PAPSS2: variants seen among roughly 807,000 people sequenced by gnomAD.
PAPSS2 encodes 3'-phosphoadenosine 5'-phosphosulfate synthase 2.
Under a neutral mutation model 66.5 loss-of-function variants are expected in PAPSS2, and 61 were observed. The observed-to-expected ratio is 0.92, with a 90% confidence interval of 0.75 to 1.14. The LOEUF is 1.14. Ranked by LOEUF, PAPSS2 falls within the 50% of genes most tolerant of loss-of-function variation. PAPSS2 has a pLI of 0.00. For synonymous variants in PAPSS2, 289 were observed against 287.5 expected, an observed-to-expected ratio of 1.01 and a Z score of -0.05; for missense variants, 708 against 789.6, an observed-to-expected ratio of 0.90 and a Z score of 1.24.
chr10:87,699,683 C>G (rs1853277891), intron 1 of PAPSS2, among the ~76,000 whole-genome samples: 2 of 151,848 alleles, frequency 1.3e-5, no homozygotes, highest in South Asian at 4.2e-4. Context: ...AACCCCACCT[C>G]TACTAAAAAT....
chr10:87,701,231 TTC>T lies in PAPSS2; in HGVS notation c.28-7963_28-7962del, dbSNP rs1175388622. Among the ~76,000 whole-genome samples, 11 of 105,818 alleles carry T rather than the reference TTC, an allele frequency of 1.0e-4. 1 individual carries two copies. The East Asian group carries it at 2.0e-3, about 19-fold the overall frequency. The allele number at this position is 105,818 out of a possible 152,430, so 69.4% of individuals were successfully genotyped here. A position where few individuals can be genotyped will look rare whatever the true frequency, so the allele number is the denominator to read the frequency against. On this transcript the variant is annotated intron_variant, in intron 1 of 12. Transcript: ENST00000456849. ...ATATGTTTTTATTTATATAATAATT[TTC>T]TTTCTTTTTTCTTTTTTCTTTCTTT...
chr10:87,668,867 C>T (rs866799802), intron 1 of PAPSS2, among the ~76,000 whole-genome samples: 10 of 152,136 alleles, frequency 6.6e-5, no homozygotes, highest in African/African-American at 1.4e-4. Flanking sequence ...CCCTACCACA[C>T]GCTTACCACT....
At chr10:87,696,499 A>C (rs564766889) in intron 1 of PAPSS2, among the ~76,000 whole-genome samples, 8 of 152,130 alleles carry the variant, frequency 5.3e-5, no homozygotes, top group African/African-American at 1.9e-4. Flanking sequence ...ACAGAATCTC[A>C]CTTGTGATAT....
At chr10:87,731,069 A>G (rs933908173) in intron 9 of PAPSS2, among the ~76,000 whole-genome samples, 3 of 152,244 alleles carry the variant, frequency 2.0e-5, no homozygotes, top group Non-Finnish European at 1.5e-5. Flanking sequence ...TCAGAGCTAA[A>G]GAAGAGAAGT....
At chr10:87,660,828 A>AC (rs1564705104) in intron 1 of PAPSS2, among the ~76,000 whole-genome samples, 2 of 115,824 alleles carry the variant, frequency 1.7e-5, no homozygotes, top group East Asian at 4.7e-4. Context: ...AAAAAAAAAA[A>AC]AAAAAACCGG....
intron 1 of PAPSS2, among the ~76,000 whole-genome samples, chr10:87,672,890 A>G (rs536707373): frequency 6.6e-6 from 1 of 152,254 alleles, no homozygotes; most frequent in Non-Finnish European, 1.5e-5. Flanking sequence ...TGTTATGACA[A>G]GTATATGAAA....
At chr10:87,664,361 C>T (rs902680766) in intron 1 of PAPSS2, among the ~76,000 whole-genome samples, 2 of 152,198 alleles carry the variant, frequency 1.3e-5, no homozygotes, top group Non-Finnish European at 2.9e-5. Flanking sequence ...TTGCCAACAA[C>T]TTTGGCCAAG....
intron 1 of PAPSS2, among the ~76,000 whole-genome samples, chr10:87,667,538 A>C (rs192664089): frequency 6.6e-6 from 1 of 152,194 alleles, no homozygotes; most frequent in Admixed American, 6.5e-5. Context: ...CTGTATTAAA[A>C]CTTGAAATAT....
chr10:87,681,727 G>A (rs1409361222), intron 1 of PAPSS2, among the ~76,000 whole-genome samples: 1 of 152,178 alleles, frequency 6.6e-6, no homozygotes. Context: ...GTTCCGAGAA[G>A]CTACCAGTCT....
chr10:87,734,659 G>GTGTGTGTA (rs1853770515), intron 9 of PAPSS2, among the ~76,000 whole-genome samples: 1 of 100,514 alleles, frequency 9.9e-6, no homozygotes, highest in African/African-American at 4.5e-5. Context: ...AAATGAATGT[G>GTGTGTGTA]TGTGTATATA....
At chr10:87,737,039 C>T (rs1414524206) in intron 9 of PAPSS2, among the ~76,000 whole-genome samples, 2 of 152,196 alleles carry the variant, frequency 1.3e-5, no homozygotes, top group Non-Finnish European at 2.9e-5. Context: ...GAAGCTCTCC[C>T]AGGCCTAGCA....
At chr10:87,687,994 G>A (rs2131910173) in intron 1 of PAPSS2, among the ~76,000 whole-genome samples, 1 of 152,182 alleles carries the variant, frequency 6.6e-6, no homozygotes, top group East Asian at 1.9e-4. Context: ...TTATTCTAAT[G>A]TTCTAATCAA....
rs771262872 is a variant in PAPSS2 at position 87,741,338 on chromosome 10, A to C, written c.1190A>C (p.Glu397Ala). Residue 397 changes from glutamate (E) to alanine (A), a missense_variant, in exon 10 of 13, where the codon GAG becomes GCG. Physicochemically the swap from Glu to Ala is moderately radical, Grantham distance 107. Transcript: ENST00000456849. ...GLDQYRLTPL[E>A]LKQKCKEMNA... ...GACCAATACCGTCTGACACCTCTGGAGCTCAAACAGAAATGTAAAGAAATG... is the reference window on the plus strand; with the variant it reads ...GACCAATACCGTCTGACACCTCTGGCGCTCAAACAGAAATGTAAAGAAATG... 1 of 1,613,808 alleles carries C rather than the reference A, an allele frequency of 6.2e-7. No individual in the cohort carries two copies. Among genetic ancestry groups the C allele is most frequent in the Non-Finnish European group, 8.5e-7 (1 of 1,179,672 alleles).
chr10:87,735,915 G>T (rs532157467), intron 9 of PAPSS2, among the ~76,000 whole-genome samples: 1 of 152,250 alleles, frequency 6.6e-6, no homozygotes, highest in Admixed American at 6.5e-5. Context: ...CCCAATATCT[G>T]GCCATAATGG....
intron 7 of PAPSS2, among the ~76,000 whole-genome samples, chr10:87,716,573 G>C (rs1211071941): frequency 1.3e-5 from 2 of 152,152 alleles, no homozygotes; most frequent in Non-Finnish European, 2.9e-5. Flanking sequence ...GTAGAGTCAC[G>C]CTGAATTTGT....
intron 1 of PAPSS2, among the ~76,000 whole-genome samples, chr10:87,705,009 TACAC>T (rs1853365142): frequency 6.6e-6 from 1 of 152,194 alleles, no homozygotes; most frequent in African/African-American, 2.4e-5. Context: ...TACAACGAAA[TACAC>T]ATTTAGAATA....
chr10:87,693,213 A>G (rs1461971045), intron 1 of PAPSS2, among the ~76,000 whole-genome samples: 2 of 152,170 alleles, frequency 1.3e-5, no homozygotes, highest in Non-Finnish European at 2.9e-5. Context: ...TCAGAATATC[A>G]CACATAAAAT....
At chr10:87,721,987 G>A (rs1202399433) in intron 8 of PAPSS2, among the ~76,000 whole-genome samples, 1 of 152,158 alleles carries the variant, frequency 6.6e-6, no homozygotes, top group East Asian at 1.9e-4. Flanking sequence ...TAGCTATTGT[G>A]TATGATGTAG....
intron 1 of PAPSS2, among the ~76,000 whole-genome samples, chr10:87,666,893 T>G (rs1172989987): frequency 6.6e-6 from 1 of 152,082 alleles, no homozygotes; most frequent in Non-Finnish European, 1.5e-5. Flanking sequence ...TCTTTTCCTC[T>G]GAGATCAGAA....
Sources: allele counts gnomAD v4.1 joint callset (sites outside exome capture counted in the v4.1 genomes callset), GRCh38; gene constraint gnomAD v4.1.1; transcripts MANE v1.5; gene names NCBI Gene and HGNC (gene_info 2026-07-23, HGNC 2026-07-21).